CSTL1: variants seen among roughly 807,000 people sequenced by gnomAD.
CSTL1 encodes the protein cystatin like 1, also known as cystatin-like 1.
Under a neutral mutation model 14.4 loss-of-function variants are expected in CSTL1, and 14 were observed. That is an observed-to-expected ratio of 0.97 (90% CI 0.64 to 1.52). The LOEUF (loss-of-function observed/expected upper bound fraction) is 1.52, where lower values mean the gene tolerates loss of function less well. CSTL1 is among the 40% of genes most tolerant of loss of function. CSTL1 has a pLI of 0.00. For missense variants in CSTL1, 170 were observed against 168.7 expected (o/e 1.01, Z -0.04); for synonymous variants, 72 against 67.5 (o/e 1.07, Z -0.33).
At chr20:23,440,876 C>T (rs146857549) in intron 2 of CSTL1, 393 of 334,626 alleles carry the variant, frequency 1.2e-3, no homozygotes, top group African/African-American at 8.0e-3. Context: ...CCTGCCTCAG[C>T]CTCCCAAGTA....
At chr20:23,451,937 T>TG in the CSTL1 span, 1 of 1,588,444 alleles carries the variant, frequency 6.3e-7, no homozygotes, top group South Asian at 1.1e-5. Flanking sequence ...GCGCCAGGCG[T>TG]GGGGGAGGCA....
At chr20:23,452,492 G>C in the CSTL1 span, 1 of 816,858 alleles carries the variant, frequency 1.2e-6, no homozygotes, top group Non-Finnish European at 2.2e-6. Flanking sequence ...AAGCAAGGTT[G>C]AATTTCCCTT....
chr20:23,455,163 CT>C, the CSTL1 span, among the ~76,000 whole-genome samples: 1 of 152,160 alleles, frequency 6.6e-6, no homozygotes, highest in South Asian at 2.1e-4. Context: ...GCCCTTGCCA[CT>C]TTTTGGAGTG....
intron 3 of CSTL1, 148 bp downstream of exon 3, chr20:23,444,192 G>C: frequency 1.5e-6 from 1 of 666,912 alleles, no homozygotes; most frequent in Non-Finnish European, 2.6e-6. Flanking sequence ...AGGCACCTGG[G>C]TGAAGGAGGG....
At chr20:23,452,469 C>G in the CSTL1 span, 1 of 733,810 alleles carries the variant, frequency 1.4e-6, no homozygotes, top group South Asian at 1.6e-5. Context: ...TCTTAAAGTG[C>G]TCACATCAAG....
chr20:23,444,103 G>C (rs1444595069), intron 3 of CSTL1, 59 bp downstream of exon 3: 1 of 1,503,644 alleles, frequency 6.7e-7, no homozygotes, highest in South Asian at 1.1e-5. Context: ...AAAAGCAACA[G>C]CTAGAAGTTG....
chr20:23,444,136 T>C, intron 3 of CSTL1, 92 bp downstream of exon 3: 1 of 1,138,506 alleles, frequency 8.8e-7, no homozygotes, highest in African/African-American at 1.5e-5. Context: ...CTTGTGTGGA[T>C]TGGGGCCAGC....
downstream of CSTL1, among the ~76,000 whole-genome samples, chr20:23,448,997 C>T (rs1987019718): frequency 2.0e-5 from 3 of 152,186 alleles, no homozygotes; most frequent in African/African-American, 7.2e-5. Flanking sequence ...CCCACCTGGG[C>T]CCCGCTGAAA....
chr20:23,451,974 C>A, the CSTL1 span: 1 of 1,402,980 alleles, frequency 7.1e-7, no homozygotes, highest in East Asian at 2.3e-5. Context: ...CCCCTGTCTG[C>A]GGTTTCTGTG....
At chr20:23,452,613 T>C in the CSTL1 span, 271 of 1,613,504 alleles carry the variant, frequency 1.7e-4, 2 homozygotes, top group East Asian at 5.9e-3. Context: ...ACTCGGAAGA[T>C]CCTGAAGTGG....
intron 2 of CSTL1, among the ~76,000 whole-genome samples, chr20:23,443,078 C>A (rs1318578653): frequency 6.6e-6 from 1 of 152,148 alleles, no homozygotes; most frequent in Non-Finnish European, 1.5e-5. Flanking sequence ...CTCGTGTACC[C>A]ACCATGCCTC....
chr20:23,452,778 G>A, the CSTL1 span: 24 of 1,614,030 alleles, frequency 1.5e-5, no homozygotes, highest in Non-Finnish European at 2.0e-5. Flanking sequence ...ATGGCCAACA[G>A]GAGCTGTAGG....
At chr20:23,459,075 A>G in the CSTL1 span, 1 of 152,196 alleles carries the variant, frequency 6.6e-6, no homozygotes, top group Non-Finnish European at 1.5e-5. Context: ...AGCTGCTCAT[A>G]TTCCTGGACT....
chr20:23,448,760 T>C (rs980378330), downstream of CSTL1, among the ~76,000 whole-genome samples: 3 of 152,196 alleles, frequency 2.0e-5, no homozygotes, highest in South Asian at 2.1e-4. Context: ...AGAAAAGTGT[T>C]GACTGTTGAC....
chr20:23,452,224 A>G, the CSTL1 span, among the ~76,000 whole-genome samples: 2 of 152,214 alleles, frequency 1.3e-5, no homozygotes, highest in Admixed American at 6.5e-5. Context: ...CATAGTAAAC[A>G]TCTTACGTTT....
intron 2 of CSTL1, among the ~76,000 whole-genome samples, chr20:23,442,630 G>C (rs1269795972): frequency 6.6e-6 from 1 of 152,208 alleles, no homozygotes; most frequent in African/African-American, 2.4e-5. Context: ...CCCATGCATG[G>C]ATGGCCCCCA....
downstream of CSTL1, among the ~76,000 whole-genome samples, chr20:23,447,882 T>C (rs1433272883): frequency 6.6e-6 from 1 of 152,244 alleles, no homozygotes; most frequent in Non-Finnish European, 1.5e-5. Flanking sequence ...TTTACCTAAT[T>C]TGTTTTTCTA....
chr20:23,440,157 C>T lies in CSTL1; in HGVS notation c.-111C>T, dbSNP rs938534622. 9.4e-7 allele frequency: 1 copy of T among 1,065,796 alleles called. No individual in the cohort carries two copies. Among genetic ancestry groups the T allele is most frequent in the African/African-American group, 1.6e-5 (1 of 63,828 alleles). 66.0% of individuals were successfully genotyped at this position (1,065,796 alleles called of 1,614,324 possible). A position where few individuals can be genotyped will look rare whatever the true frequency, so the allele number is the denominator to read the frequency against. On this transcript the variant is annotated 5_prime_UTR_variant, in exon 2 of 4. Coordinates refer to ENST00000347397, the MANE Select transcript of CSTL1 (RefSeq NM_138283.1). The stretch of plus-strand genomic sequence containing the variant: ...GTTTAAATGCAGGCAGGCCATCCCC[C>T]AGGAAAGCCTATGTTGGTGAGGGTT...
At chr20:23,458,515 T>A in the CSTL1 span, 1 of 152,220 alleles carries the variant, frequency 6.6e-6, no homozygotes, top group Admixed American at 6.5e-5. Context: ...TCTCGCTTGC[T>A]GTTGTTTCCT....
Sources: gnomAD v4.1 joint callset for allele counts (sites outside exome capture counted in the v4.1 genomes callset) on GRCh38, gnomAD v4.1.1 for gene constraint, MANE v1.5 for transcripts, NCBI Gene and HGNC (gene_info 2026-07-23, HGNC 2026-07-21) for gene names.